The following KCNT2 variants were observed in gnomAD, a reference collection of about 807,000 sequenced individuals.
The protein encoded by KCNT2 is potassium sodium-activated channel subfamily T member 2, also known as potassium channel subfamily T member 2.
Under a neutral mutation model 153.8 loss-of-function variants are expected in KCNT2, and 67 were observed. The ratio of observed to expected loss-of-function variants is 0.44; its 90% CI spans 0.36 to 0.53. The LOEUF is 0.53. KCNT2 is among the 20% of genes least tolerant of loss of function. The pLI is 0.00. For synonymous variants in KCNT2, 500 were observed against 458.8 expected, an observed-to-expected ratio of 1.09 and a Z score of -1.15; for missense variants, 975 against 1,354.8, an observed-to-expected ratio of 0.72 and a Z score of 4.40.
intron 1 of KCNT2, among the ~76,000 whole-genome samples, chr1:196,529,110 AAT>A (rs1414065892): frequency 6.6e-6 from 1 of 152,166 alleles, no homozygotes; most frequent in African/African-American, 2.4e-5. Context: ...GTCAGTGTAT[AAT>A]ATGTGTACTC....
intron 3 of KCNT2, among the ~76,000 whole-genome samples, chr1:196,486,267 T>C (rs1451471870): frequency 6.6e-6 from 1 of 151,938 alleles, no homozygotes; most frequent in Non-Finnish European, 1.5e-5. Flanking sequence ...GTAATATGCA[T>C]GAAACATTTT....
chr1:196,453,632 T>C (rs1676406200), intron 8 of KCNT2, among the ~76,000 whole-genome samples: 1 of 151,988 alleles, frequency 6.6e-6, no homozygotes, highest in African/African-American at 2.4e-5. Context: ...TCTTGGTCAC[T>C]CAACCTCTAT....
intron 22 of KCNT2, among the ~76,000 whole-genome samples, chr1:196,302,034 C>T (rs1462705864): frequency 6.6e-6 from 1 of 152,150 alleles, no homozygotes; most frequent in Admixed American, 6.5e-5. Context: ...ACCACCACGC[C>T]CAGCTGTGAT....
intron 25 of KCNT2, among the ~76,000 whole-genome samples, chr1:196,267,634 G>T (rs1368382551): frequency 6.6e-6 from 1 of 152,040 alleles, no homozygotes; most frequent in Non-Finnish European, 1.5e-5. Flanking sequence ...GTGGGCTTCT[G>T]GTAGCAAAAA....
intron 14 of KCNT2, among the ~76,000 whole-genome samples, chr1:196,353,350 G>C (rs1405638565): frequency 6.6e-6 from 1 of 151,794 alleles, no homozygotes; most frequent in Non-Finnish European, 1.5e-5. Flanking sequence ...TCCTCTATCT[G>C]TCACCCTCTC....
At chr1:196,552,567 G>T (rs1658056978) in intron 1 of KCNT2, among the ~76,000 whole-genome samples, 1 of 151,336 alleles carries the variant, frequency 6.6e-6, no homozygotes, top group Non-Finnish European at 1.5e-5. Context: ...AGCAAGAAAA[G>T]ATCATCTGAA....
intron 1 of KCNT2, among the ~76,000 whole-genome samples, chr1:196,581,048 A>G (rs575539352): frequency 4.4e-4 from 67 of 152,270 alleles, no homozygotes; most frequent in Non-Finnish European, 7.5e-4. Flanking sequence ...CATCTTGACT[A>G]TAGCTGCTAC....
intron 1 of KCNT2, among the ~76,000 whole-genome samples, chr1:196,569,511 A>C (rs1162290962): frequency 6.6e-6 from 1 of 152,208 alleles, no homozygotes; most frequent in Non-Finnish European, 1.5e-5. Context: ...TTTGGTCACA[A>C]CATTAGGATA....
intron 5 of KCNT2, among the ~76,000 whole-genome samples, chr1:196,469,951 C>G (rs1198790871): frequency 6.6e-6 from 1 of 152,158 alleles, no homozygotes; most frequent in African/African-American, 2.4e-5. Flanking sequence ...AATTGGGACT[C>G]TTTCTTAATT....
At chr1:196,440,240 T>C (rs1406376723) in intron 8 of KCNT2, among the ~76,000 whole-genome samples, 1 of 152,030 alleles carries the variant, frequency 6.6e-6, no homozygotes, top group Non-Finnish European at 1.5e-5. Flanking sequence ...AAACCCATCA[T>C]TTTAAAGTGA....
intron 22 of KCNT2, among the ~76,000 whole-genome samples, chr1:196,290,151 A>G (rs1660053909): frequency 6.6e-6 from 1 of 151,964 alleles, no homozygotes; most frequent in Admixed American, 6.6e-5. Flanking sequence ...TATTTTCTCA[A>G]CTATAATTCT....
At chr1:196,328,247 AT>A (rs2148079439) in intron 18 of KCNT2, among the ~76,000 whole-genome samples, 1 of 152,234 alleles carries the variant, frequency 6.6e-6, no homozygotes, top group East Asian at 1.9e-4. Flanking sequence ...AACTCAAAAG[AT>A]TATTTAAATT....
intron 1 of KCNT2, among the ~76,000 whole-genome samples, chr1:196,500,924 T>C (rs924479671): frequency 6.6e-6 from 1 of 152,090 alleles, no homozygotes; most frequent in Non-Finnish European, 1.5e-5. Context: ...GGCATACAAA[T>C]GTATGCAGCC....
At chr1:196,510,432 CTTATATTATACACATCAAATTTACT>C (rs1044728562) in intron 1 of KCNT2, among the ~76,000 whole-genome samples, 1 of 152,052 alleles carries the variant, frequency 6.6e-6, no homozygotes, top group African/African-American at 2.4e-5. Flanking sequence ...TTTACCCTAA[CTTATATTATACACATCAAATTTACT>C]TTATATTTGT....
intron 10 of KCNT2, among the ~76,000 whole-genome samples, chr1:196,427,747 T>C (rs1299952742): frequency 6.6e-6 from 1 of 152,110 alleles, no homozygotes; most frequent in East Asian, 1.9e-4. Context: ...TGAAATGGTT[T>C]CTTTCTTGTT....
chr1:196,577,966 T>C (rs941792896), intron 1 of KCNT2, among the ~76,000 whole-genome samples: 21 of 152,166 alleles, frequency 1.4e-4, no homozygotes, highest in Admixed American at 1.3e-3. Flanking sequence ...TTCTCATGCA[T>C]GTTATTTTAA....
chr1:196,411,879 T>C (rs1428223048), intron 12 of KCNT2, among the ~76,000 whole-genome samples: 2 of 151,850 alleles, frequency 1.3e-5, no homozygotes, highest in African/African-American at 4.8e-5. Context: ...TTTTTAACTA[T>C]AGATATGCTC....
intron 21 of KCNT2, among the ~76,000 whole-genome samples, chr1:196,307,574 C>T (rs1433623703): frequency 6.6e-6 from 1 of 152,040 alleles, no homozygotes; most frequent in African/African-American, 2.4e-5. Context: ...ACCTTATATT[C>T]CTTTAATTAA....
At chr1:196,467,400 T>A (rs2148665145) in intron 7 of KCNT2, among the ~76,000 whole-genome samples, 1 of 151,194 alleles carries the variant, frequency 6.6e-6, no homozygotes, top group South Asian at 2.1e-4. Flanking sequence ...ACTTTCAAAT[T>A]TACACTATGC....
Sources: gnomAD v4.1 joint callset for allele counts (sites outside exome capture counted in the v4.1 genomes callset) on GRCh38, gnomAD v4.1.1 for gene constraint, MANE v1.5 for transcripts, NCBI Gene and HGNC (gene_info 2026-07-23, HGNC 2026-07-21) for gene names.